Variants in AFM observed in about 807,000 individuals in gnomAD.
The protein encoded by AFM is afamin.
AFM carries 82 observed loss-of-function variants against 68.7 expected under a neutral mutation model. The ratio of observed to expected loss-of-function variants is 1.19; its 90% CI spans 1.00 to 1.43. The LOEUF is 1.43. Among genes scored for constraint, AFM ranks in the 40% most tolerant of loss-of-function variants. The probability of loss-of-function intolerance (pLI) is 0.00; values close to 1 mark genes in which losing one functional copy is unlikely to be tolerated. For missense variants in AFM, 772 were observed against 701.8 expected (o/e 1.10, Z -1.13); for synonymous variants, 250 against 234.2 (o/e 1.07, Z -0.61).
intron 9 of AFM, 81 bp downstream of exon 9, chr4:73,495,513 G>T: frequency 1.3e-6 from 2 of 1,541,758 alleles, no homozygotes. Context: ...GAGTTTTGCT[G>T]CAGTCTGGGG....
intron 1 of AFM, among the ~76,000 whole-genome samples, chr4:73,482,961 T>G (rs1417793144): frequency 6.6e-6 from 1 of 152,208 alleles, no homozygotes; most frequent in South Asian, 2.1e-4. Flanking sequence ...CCATACTCCT[T>G]AGCTTTATAT....
chr4:73,488,906 A>C, intron 7 of AFM, 147 bp downstream of exon 7: 1 of 797,650 alleles, frequency 1.3e-6, no homozygotes, highest in Non-Finnish European at 1.9e-6. Flanking sequence ...AATGAAATAT[A>C]AACATTTTTA....
chr4:73,500,150 T>G lies in AFM; in HGVS notation c.1569T>G (p.Pro523=). 1 of 1,613,990 alleles carries G rather than the reference T, an allele frequency of 6.2e-7. No homozygotes were observed. The highest frequency in any genetic ancestry group is 8.5e-7 in the Non-Finnish European group (1 of 1,179,954). Residue 523 remains proline, a synonymous_variant, in exon 12 of 15, where the codon CCT becomes CCG. Coordinates refer to ENST00000226355, the MANE Select transcript of AFM (RefSeq NM_001133.2). The stretch of plus-strand genomic sequence containing the variant: ...CTGATAAAACATATGTGCCTCCACC[T>G]TTCTCTCAAGATTTATTTACCTTTC... ...LKADKTYVPP[P]FSQDLFTFHA...
chr4:73,500,182 A>T lies in AFM; in HGVS notation c.1601A>T (p.Asp534Val). 6.2e-7 allele frequency: 1 copy of T among 1,613,816 alleles called. No homozygotes were observed. Among genetic ancestry groups the T allele is most frequent in the Non-Finnish European group, 8.5e-7 (1 of 1,179,890 alleles). Residue 534 changes from aspartate (D) to valine (V), a missense_variant, in exon 12 of 15, where the codon GAC becomes GTC. Coordinates refer to ENST00000226355, the MANE Select transcript of AFM (RefSeq NM_001133.2). ...FSQDLFTFHA[D>V]MCQSQNEELQ... ...CAAGATTTATTTACCTTTCACGCAG[A>T]CATGTGTCAATCTCAGAATGAGGAG...
At chr4:73,489,395 A>G (rs1485434676) in intron 7 of AFM, among the ~76,000 whole-genome samples, 2 of 152,266 alleles carry the variant, frequency 1.3e-5, no homozygotes, top group East Asian at 1.9e-4. Flanking sequence ...TGTATATATA[A>G]CATGTTATAT....
At chr4:73,492,313 C>A (rs887530349) in intron 8 of AFM, among the ~76,000 whole-genome samples, 8 of 152,104 alleles carry the variant, frequency 5.3e-5, no homozygotes, top group Non-Finnish European at 1.0e-4. Flanking sequence ...TTAATATATG[C>A]CAGTCATGGG....
At chr4:73,487,586 T>C (rs1720936763) in intron 5 of AFM, 138 bp from the exon 6 acceptor site, 1 of 623,114 alleles carries the variant, frequency 1.6e-6, no homozygotes, top group South Asian at 2.0e-5. Flanking sequence ...TTAATATGTG[T>C]GTTTACTGAA....
rs1266632227 is a variant in AFM, at chr4:73,500,216, G to T, written c.1635G>T (p.Arg545Ser). 5 of 1,611,140 alleles carry T rather than the reference G, an allele frequency of 3.1e-6. No homozygotes were observed. In the African/African-American group the frequency reaches 6.7e-5, roughly 22 times the overall value. Residue 545 changes from arginine to serine, a missense_variant, in exon 12 of 15, where the codon AGG (arginine) becomes AGT (serine). Arg to Ser is a moderately radical substitution (Grantham distance 110). Transcript: ENST00000226355. ...AATCTCAGAATGAGGAGCTTCAGAG[G>T]AAGACAGACAGGTACAAATAATCTC... The part of the protein sequence containing the change: ...MCQSQNEELQ[R>S]KTDRFLVNLV...
Position 73,503,124 on chromosome 4 carries a change from C to G in AFM, c.*40+14C>G. 6.3e-7 allele frequency: 1 copy of G among 1,577,854 alleles called. No individual in the cohort carries two copies. The highest frequency in any genetic ancestry group is 1.1e-5 in the South Asian group (1 of 89,444). On this transcript the variant is annotated intron_variant, in intron 14 of 14. Transcript: ENST00000226355. ...AAAGCACCAAAGGTAATACCCTCTG[C>G]CTCATTCAAATGTCAAATGTATTTG...
At chr4:73,483,746 C>T (rs1720777218) in intron 1 of AFM, among the ~76,000 whole-genome samples, 195 bp from the exon 2 acceptor site, 1 of 152,214 alleles carries the variant, frequency 6.6e-6, no homozygotes, top group Non-Finnish European at 1.5e-5. Flanking sequence ...ATTTCTTGAA[C>T]ACATAATCAA....
At chr4:73,485,825 A>T in intron 3 of AFM, 37 bp from the exon 4 acceptor site, 1 of 1,552,348 alleles carries the variant, frequency 6.4e-7, no homozygotes, top group Non-Finnish European at 8.9e-7. Context: ...TTACTTTACC[A>T]TGACTAAAAA....
Position 73,481,972 on chromosome 4 carries a change from C to G in AFM, c.88+109C>G, listed in dbSNP as rs1720727507. On this transcript the variant is annotated intron_variant, in intron 1 of 14. Coordinates refer to ENST00000226355, the MANE Select transcript of AFM (RefSeq NM_001133.2). ...ATTCTTTACTTGCTTTTTTCACCCT[C>G]TCACTAATTTACATAGGCTAACCAG... 8 of 778,708 alleles carry G rather than the reference C, an allele frequency of 1.0e-5. No individual in the cohort carries two copies. In the South Asian group the frequency reaches 1.3e-4, roughly 13 times the overall value. 48.2% of individuals were successfully genotyped at this position (778,708 alleles called of 1,614,324 possible).
rs539506641 is a variant in AFM at position 73,500,072 on chromosome 4, C to T, written c.1491C>T (p.His497=). 1 of 1,614,090 alleles carries T rather than the reference C, an allele frequency of 6.2e-7. No individual in the cohort carries two copies. Among genetic ancestry groups the T allele is most frequent in the East Asian group, 2.2e-5 (1 of 44,874 alleles). The change falls in exon 12 of 15, where the codon CAC becomes CAT. Residue 497 remains histidine, a synonymous_variant. Coordinates refer to ENST00000226355, the MANE Select transcript of AFM (RefSeq NM_001133.2). ...ENRTINPAVD[H]CCKTNFAFRR... The stretch of plus-strand genomic sequence containing the variant: ...GAACTATCAACCCTGCTGTGGACCA[C>T]TGCTGTAAAACAAACTTTGCCTTCA...
At chr4:73,491,338 G>C (rs575239228) in intron 7 of AFM, among the ~76,000 whole-genome samples, 1 of 152,180 alleles carries the variant, frequency 6.6e-6, no homozygotes, top group Non-Finnish European at 1.5e-5. Context: ...ATTAGAAAAT[G>C]ATACCATGAG....
chr4:73,503,697 A>T (rs1188076163), intron 14 of AFM, among the ~76,000 whole-genome samples, 179 bp from the exon 15 acceptor site: 1 of 152,142 alleles, frequency 6.6e-6, no homozygotes, highest in Non-Finnish European at 1.5e-5. Context: ...GCGTAGATAT[A>T]GGAGTTATAT....
intron 1 of AFM, 39 bp downstream of exon 1, chr4:73,481,902 G>C (rs769414093): frequency 2.2e-6 from 3 of 1,340,108 alleles, no homozygotes; most frequent in Non-Finnish European, 3.1e-6. Flanking sequence ...AGCATGACCA[G>C]TTAGGATAAT....
At chr4:73,503,165 C>A in intron 14 of AFM, 55 bp downstream of exon 14, 1 of 1,365,286 alleles carries the variant, frequency 7.3e-7, no homozygotes. Context: ...TATCTGATCT[C>A]CTTGCCTTTT....
At chr4:73,487,884 T>A in intron 6 of AFM, 63 bp downstream of exon 6, 1 of 1,172,308 alleles carries the variant, frequency 8.5e-7, no homozygotes, top group Non-Finnish European at 1.3e-6. Flanking sequence ...CCATTTTTGT[T>A]AAATGGTTGA....
At chr4:73,486,101 C>G (rs756571033) in intron 4 of AFM, 28 bp downstream of exon 4, 1 of 1,570,094 alleles carries the variant, frequency 6.4e-7, no homozygotes, top group Non-Finnish European at 8.8e-7. Context: ...AAAAAATGAT[C>G]CAGTTGAAGA....
Sources: allele counts gnomAD v4.1 joint callset (sites outside exome capture counted in the v4.1 genomes callset), GRCh38; gene constraint gnomAD v4.1.1; transcripts MANE v1.5; gene names NCBI Gene and HGNC (gene_info 2026-07-23, HGNC 2026-07-21).